CKB: variants seen among roughly 807,000 people sequenced by gnomAD.
The protein encoded by CKB is creatine kinase B.
Under a neutral mutation model 36.9 loss-of-function variants are expected in CKB, and 15 were observed. That is an observed-to-expected ratio of 0.41 (90% confidence interval 0.27 to 0.63). CKB has a LOEUF of 0.63. CKB is among the 20% of genes least tolerant of loss of function. The pLI, the probability that CKB is intolerant of heterozygous loss-of-function variation, is 0.34. For missense variants in CKB, 413 were observed against 534.9 expected, an observed-to-expected ratio of 0.77 and a Z score of 2.25; for synonymous variants, 250 against 228.2, an observed-to-expected ratio of 1.10 and a Z score of -0.86.
rs200381467 is a variant in CKB, at chr14:103,522,469, C to A, written c.25G>T (p.Ala9Ser). 26 of 1,601,174 alleles carry A rather than the reference C, an allele frequency of 1.6e-5. No homozygotes were observed. In the East Asian group the frequency reaches 6.0e-4, roughly 37 times the overall value. Reference sequence around the variant, plus strand: ...TCGGCCGGGAAGCGCAGCTTCAGTGCGTTGTGGCTGTTGGAGAAGGGCATG... The same window carrying A: ...TCGGCCGGGAAGCGCAGCTTCAGTGAGTTGTGGCTGTTGGAGAAGGGCATG... MPFSNSHN[A>S]LKLRFPAEDE... Residue 9 changes from alanine (A) to serine (S), a missense_variant, in exon 2 of 8, where the codon GCA (alanine) becomes TCA (serine). This residue lies in a region of CKB where 74 missense variants were observed against 70.6 expected (regional missense o/e 1.05). Coordinates refer to ENST00000348956, the MANE Select transcript of CKB (RefSeq NM_001823.5). This position sits in a 1 kb window ranked among gnomAD's most constrained non-coding sequence, Gnocchi z 6.7.
Position 103,522,429 on chromosome 14 carries a change from T to C in CKB, c.65A>G (p.Asp22Gly). The change falls in exon 2 of 8, where the codon GAC becomes GGC. Residue 22 changes from aspartate to glycine, a missense_variant. Around this residue, in one of 3 missense-constraint regions of CKB, gnomAD observed 74 missense variants for 70.6 expected, o/e 1.05. Coordinates refer to ENST00000348956, the MANE Select transcript of CKB (RefSeq NM_001823.5). The surrounding 1 kb of genome is among the most constrained non-coding windows in gnomAD (Gnocchi z 6.7). ...CATGTGGTTGTTGTGGGCGCTCAGG[T>C]CGGGGAACTCGTCCTCGGCCGGGAA... ...LRFPAEDEFPDLSAHNNHMAK... is the reference protein window; with the variant it reads ...LRFPAEDEFPGLSAHNNHMAK... The C allele has an allele frequency of 6.2e-7, 1 of 1,610,188 alleles. No homozygotes were observed. The highest frequency in any genetic ancestry group is 8.5e-7 in the Non-Finnish European group (1 of 1,178,712).
At chr14:103,521,596 C>A (rs1439914968) in intron 4 of CKB, 162 bp from the exon 5 acceptor site, 3 of 911,402 alleles carry the variant, frequency 3.3e-6, no homozygotes, top group Admixed American at 4.3e-5. Context: ...CGGTCCCAGG[C>A]GGTGACCCCG....
chr14:103,520,920 G>T (rs2075895534), intron 5 of CKB, among the ~76,000 whole-genome samples: 1 of 152,020 alleles, frequency 6.6e-6, no homozygotes, highest in South Asian at 2.1e-4. Context: ...AATCCCAGCG[G>T]CGGAGGAGTG....
In CKB at chr14:103,522,150, C is replaced by G. The variant is rs1350946529; in HGVS notation, c.221G>C (p.Cys74Ser). The G allele has an allele frequency of 2.5e-6, 4 of 1,604,018 alleles. No homozygotes were observed. The highest frequency in any genetic ancestry group is 1.1e-5 in the South Asian group (1 of 89,700). The part of the protein sequence containing the change: ...PGHPYIMTVG[C>S]VAGDEESYEV... Reference sequence around the variant, plus strand: ...GTAGGACTCCTCGTCGCCCGCCACGCAGCCCACGGTCATGATGTACGGGTG... The same window carrying G: ...GTAGGACTCCTCGTCGCCCGCCACGGAGCCCACGGTCATGATGTACGGGTG... Residue 74 changes from cysteine (C) to serine (S), a missense_variant, in exon 3 of 8, where the codon TGC (cysteine) becomes TCC (serine). By Grantham distance (112) the Cys-to-Ser change is moderately radical (BLOSUM62 -1). This residue lies in a region of CKB where 25 missense variants were observed against 54.9 expected (regional missense o/e 0.46). Coordinates refer to ENST00000348956, the MANE Select transcript of CKB (RefSeq NM_001823.5). This position sits in a 1 kb window ranked among gnomAD's most constrained non-coding sequence, Gnocchi z 6.7.
chr14:103,520,946 G>A, intron 5 of CKB: 1 of 538,112 alleles, frequency 1.9e-6, no homozygotes, highest in Non-Finnish European at 3.3e-6. Flanking sequence ...AGAAAACAAA[G>A]AGCTCCAGCT....
rs540178142 is a variant in CKB at position 103,522,257 on chromosome 14, G to A, written c.193+44C>T. ...GCTGCTGAGGACCCTGCGGCTGCGC[G>A]GGGGGAGGGGGGGCCGGGACCCCGG... On this transcript the variant is annotated intron_variant, in intron 2 of 7. Transcript: ENST00000348956. This position sits in a 1 kb window ranked among gnomAD's most constrained non-coding sequence, Gnocchi z 6.7. 1.3e-6 allele frequency: 2 copies of A among 1,568,264 alleles called. No individual in the cohort carries two copies. The highest frequency in any genetic ancestry group is 1.9e-5 in the Admixed American group (1 of 53,648).
chr14:103,521,743 T>G, intron 4 of CKB, 75 bp downstream of exon 4: 1 of 1,302,106 alleles, frequency 7.7e-7, no homozygotes, highest in Non-Finnish European at 9.8e-7. Context: ...CCGGGCGACG[T>G]AAACAAAAGC....
chr14:103,519,874 G>A lies in CKB; in HGVS notation c.1136C>T (p.Ala379Val). 2 of 1,603,290 alleles carry A rather than the reference G, an allele frequency of 1.2e-6. No homozygotes were observed. Among genetic ancestry groups the A allele is most frequent in the South Asian group, 2.2e-5 (2 of 90,898 alleles). The part of the protein sequence containing the change: ...QGQAIDDLMP[A>V]QK ...GGTGTGGGCCGGGCTTCATTTCTGG[G>A]CAGGCATGAGGTCGTCGATGGCCTG... The change falls in exon 8 of 8, where the codon GCC (alanine) becomes GTC (valine). Residue 379 changes from alanine to valine, a missense_variant. Physicochemically the swap from Ala to Val is moderately conservative, Grantham distance 64. Transcript: ENST00000348956.
At position 103,521,349 on chromosome 14, in the gene CKB, G is replaced by A. The variant is rs1595995308; in HGVS notation, c.567C>T (p.Asp189=). 2 of 1,610,008 alleles carry A rather than the reference G, an allele frequency of 1.2e-6. No homozygotes were observed. The highest frequency in any genetic ancestry group is 8.5e-7 in the Non-Finnish European group (1 of 1,179,426). ...CGGGCTTGTCGAAGAGGAAGTGGTC[G>A]TCGATGAGCTGCTGCTGCTCCGCCT... ...MTEAEQQQLI[D]DHFLFDKPVS... is the part of the protein sequence containing the mutation. The change falls in exon 5 of 8, where the codon GAC becomes GAT. Residue 189 remains aspartate (D), a synonymous_variant. Transcript: ENST00000348956.
chr14:103,522,590 C>T lies in CKB; in HGVS notation c.-12-85G>A. On this transcript the variant is annotated intron_variant, in intron 1 of 7. Transcript: ENST00000348956. The surrounding 1 kb of genome is among the most constrained non-coding windows in gnomAD (Gnocchi z 6.7). ...ACCACTCAGGCCCCCGCCGCCGGGC[C>T]CCCCGGCGCCCCCCGGGACGCGGCC... 1.1e-6 allele frequency: 1 copy of T among 888,210 alleles called. No individual in the cohort carries two copies. The highest frequency in any genetic ancestry group is 1.5e-6 in the Non-Finnish European group (1 of 658,374). 55.0% of individuals were successfully genotyped at this position (888,210 alleles called of 1,614,324 possible).
In CKB at chr14:103,521,259, G is replaced by T. The variant is rs777417115; in HGVS notation, c.653+4C>A. On this transcript the variant is annotated splice_donor_region_variant and intron_variant, in intron 5 of 7. Transcript: ENST00000348956. The stretch of plus-strand genomic sequence containing the variant: ...GCCGCGAGAGGGCGCAGAGGGACAC[G>T]CACCAGATACCGCGGGCGTCGGGCC... 2 of 1,587,670 alleles carry T rather than the reference G, an allele frequency of 1.3e-6. No individual in the cohort carries two copies. The highest frequency in any genetic ancestry group is 1.3e-5 in the African/African-American group (1 of 74,322).
chr14:103,521,234 G>A, intron 5 of CKB, 29 bp downstream of exon 5: 6 of 1,555,142 alleles, frequency 3.9e-6, no homozygotes, highest in African/African-American at 1.4e-5. Context: ...GAGGGAGGAC[G>A]CCGCGAGAGG....
At chr14:103,520,933 A>G in intron 5 of CKB, 1 of 522,334 alleles carries the variant, frequency 1.9e-6, no homozygotes. Context: ...GAGGAGTGAG[A>G]AAAGAAAACA....
intron 3 of CKB, 25 bp downstream of exon 3, chr14:103,521,998 G>A: frequency 5.1e-6 from 4 of 788,190 alleles, no homozygotes; most frequent in Non-Finnish European, 7.7e-6. Flanking sequence ...GGCCCCGCCC[G>A]CCCGGCCCGC....
In CKB at chr14:103,520,018, C is replaced by T. The variant is rs747941570; in HGVS notation, c.992G>A (p.Gly331Asp). Residue 331 changes from glycine to aspartate, a missense_variant, in exon 8 of 8, where the codon GGC becomes GAC. By Grantham distance (94) the Gly-to-Asp change is moderately conservative. This residue lies in a region of CKB where 314 missense variants were observed against 409.4 expected (regional missense o/e 0.77). Transcript: ENST00000348956. ...AGCGTTGGAGACGTCGAAGACCCCG[C>T]CCACCGCAGCCGTGTCCACACCGCC... The part of the protein sequence containing the change: ...GTGGVDTAAV[G>D]GVFDVSNADR... The T allele has an allele frequency of 6.2e-7, 1 of 1,610,246 alleles. No individual in the cohort carries two copies. The highest frequency in any genetic ancestry group is 1.1e-5 in the South Asian group (1 of 91,050).
chr14:103,521,691 C>T (rs1022230143), intron 4 of CKB, 127 bp downstream of exon 4: 1 of 1,157,542 alleles, frequency 8.6e-7, no homozygotes, highest in African/African-American at 1.6e-5. Flanking sequence ...GGAAACTGAA[C>T]CCGGGCGCGC....
At chr14:103,520,623 A>G in intron 5 of CKB, 31 bp from the exon 6 acceptor site, 1 of 1,599,026 alleles carries the variant, frequency 6.3e-7, no homozygotes, top group African/African-American at 1.3e-5. Flanking sequence ...GGGCATACCC[A>G]GAAAAAAGCC....
chr14:103,521,620 C>T, intron 4 of CKB, 186 bp from the exon 5 acceptor site: 1 of 908,230 alleles, frequency 1.1e-6, no homozygotes, highest in Non-Finnish European at 1.5e-6. Context: ...CAGGACCCGC[C>T]CTCCCTGGGC....
Position 103,522,444 on chromosome 14 carries a change from T to G in CKB, c.50A>C (p.Glu17Ala). 1 of 1,609,820 alleles carries G rather than the reference T, an allele frequency of 6.2e-7. No individual in the cohort carries two copies. ...GGCGCTCAGGTCGGGGAACTCGTCC[T>G]CGGCCGGGAAGCGCAGCTTCAGTGC... ...HNALKLRFPA[E>A]DEFPDLSAHN... The change falls in exon 2 of 8, where the codon GAG becomes GCG. Residue 17 changes from glutamate to alanine, a missense_variant. By Grantham distance (107) the Glu-to-Ala change is moderately radical (BLOSUM62 -1). Transcript: ENST00000348956. The surrounding 1 kb of genome is among the most constrained non-coding windows in gnomAD (Gnocchi z 6.7).
Sources: gnomAD v4.1 joint callset for allele counts (sites outside exome capture counted in the v4.1 genomes callset) on GRCh38, gnomAD v4.1.1 for gene constraint, gnomAD v4.1.1 regional missense constraint, Gnocchi (gnomAD v3.1) non-coding constraint, MANE v1.5 for transcripts, NCBI Gene and HGNC (gene_info 2026-07-23, HGNC 2026-07-21) for gene names.